Variants in DLGAP2 observed in about 807,000 individuals in gnomAD.
The protein encoded by DLGAP2 is DLG associated protein 2.
Under a neutral mutation model 100.3 loss-of-function variants are expected in DLGAP2, and 26 were observed. That is an observed-to-expected ratio of 0.26 (90% CI 0.19 to 0.36). DLGAP2 has a LOEUF of 0.36. Ranked by LOEUF, DLGAP2 falls within the 10% of genes least tolerant of loss-of-function variation. The pLI is 1.00. For missense variants in DLGAP2, 1,858 were observed against 1,453.2 expected (o/e 1.28, Z -4.53); for synonymous variants, 886 against 630.1 (o/e 1.41, Z -6.08).
Position 1,668,676 on chromosome 8 carries a change from C to T in DLGAP2, c.2158C>T (p.Gln720Ter). 1 of 1,537,418 alleles carries T rather than the reference C, an allele frequency of 6.5e-7. No homozygotes were observed. Among genetic ancestry groups the T allele is most frequent in the Non-Finnish European group, 8.8e-7 (1 of 1,139,052 alleles). Residue 720 changes from glutamine to a stop codon, truncating the protein, a stop_gained and splice_region_variant, in exon 9 of 15, where the codon CAG becomes TAG. Coordinates refer to ENST00000637795, the MANE Select transcript of DLGAP2 (RefSeq NM_001346810.2). LOFTEE classifies it high-confidence loss of function. ...GAGCCGCTGCTCCTCCATCGGGATTCAGGTAGCTGCTCTTGGCCGCCCGTC... is the reference window on the plus strand; with the variant it reads ...GAGCCGCTGCTCCTCCATCGGGATTTAGGTAGCTGCTCTTGGCCGCCCGTC... ...LKSRCSSIGI[Q>*]DSEFPEHQPY...
chr8:862,236 G>A (rs371732913), intron 1 of DLGAP2, among the ~76,000 whole-genome samples: 50 of 152,058 alleles, frequency 3.3e-4, no homozygotes, highest in African/African-American at 1.2e-3. Flanking sequence ...TCCTGTGGTG[G>A]ACGGTACCCT....
intron 5 of DLGAP2, among the ~76,000 whole-genome samples, chr8:1,550,352 G>A (rs1424638739): frequency 6.6e-6 from 1 of 152,182 alleles, no homozygotes; most frequent in Non-Finnish European, 1.5e-5. Flanking sequence ...TCTCATGCGT[G>A]AGTCTGGCCT....
In DLGAP2 at chr8:1,212,703, CCTT is replaced by C. The variant is rs369597589; in HGVS notation, c.74-46144_74-46142del. On this transcript the variant is annotated intron_variant, in intron 2 of 14. Transcript: ENST00000637795. ...CCTCACCCTGGGAGTGATTAAGAAA[CCTT>C]CTTATATCTTTATTTTTCCAGTACC... Among the ~76,000 whole-genome samples the C allele has an allele frequency of 4.3e-3, 648 of 151,986 alleles. 11 individuals are homozygous for C. The highest frequency in any genetic ancestry group is 0.015 in the African/African-American group (612 of 41,434).
intron 2 of DLGAP2, among the ~76,000 whole-genome samples, chr8:1,090,176 T>C (rs1804127360): frequency 6.9e-6 from 1 of 144,380 alleles, no homozygotes; most frequent in African/African-American, 2.6e-5. Flanking sequence ...GGGTGGAAAC[T>C]CATACCCCGA....
intron 2 of DLGAP2, among the ~76,000 whole-genome samples, chr8:970,798 A>G (rs574991508): frequency 1.5e-4 from 23 of 152,212 alleles, no homozygotes; most frequent in Non-Finnish European, 7.3e-5. Context: ...ATATTCTATG[A>G]CCTTGATTTT....
At chr8:1,167,970 T>C (rs1182688907) in intron 2 of DLGAP2, among the ~76,000 whole-genome samples, 1 of 151,766 alleles carries the variant, frequency 6.6e-6, no homozygotes, top group African/African-American at 2.4e-5. Flanking sequence ...CATGCTGGTG[T>C]GCTGCACCCA....
intron 3 of DLGAP2, among the ~76,000 whole-genome samples, chr8:1,359,935 A>G (rs913803079): frequency 2.6e-5 from 4 of 152,204 alleles, no homozygotes; most frequent in African/African-American, 9.7e-5. Flanking sequence ...AGTGACTTAA[A>G]CAGGACCGTC....
chr8:1,331,661 G>A (rs1347774073), intron 3 of DLGAP2, among the ~76,000 whole-genome samples: 4 of 152,094 alleles, frequency 2.6e-5, no homozygotes, highest in Non-Finnish European at 4.4e-5. Context: ...TTGGGTATAC[G>A]ACAAACGTGG....
At chr8:1,601,561 A>C (rs534676783) in intron 6 of DLGAP2, among the ~76,000 whole-genome samples, 4 of 152,014 alleles carry the variant, frequency 2.6e-5, no homozygotes, top group Non-Finnish European at 5.9e-5. Flanking sequence ...TCTTTCAGAG[A>C]TGCCCTGCCC....
intron 2 of DLGAP2, among the ~76,000 whole-genome samples, chr8:918,934 G>T (rs532779824): frequency 5.1e-4 from 78 of 152,182 alleles, no homozygotes; most frequent in Non-Finnish European, 6.8e-4. Flanking sequence ...AGGGTTTTTT[G>T]TTGCTGTTGT....
intron 3 of DLGAP2, among the ~76,000 whole-genome samples, chr8:1,325,285 T>C (rs1416506379): frequency 1.3e-5 from 2 of 152,186 alleles, no homozygotes; most frequent in Non-Finnish European, 2.9e-5. Context: ...CCAAGCTTTC[T>C]TTCCTGGACC....
intron 2 of DLGAP2, among the ~76,000 whole-genome samples, chr8:1,187,770 C>A (rs1379728532): frequency 7.1e-6 from 1 of 141,354 alleles, no homozygotes; most frequent in Non-Finnish European, 1.5e-5. Context: ...GAATCTCACA[C>A]GCCCGGGACC....
chr8:1,112,350 C>T (rs1271961600), intron 2 of DLGAP2, among the ~76,000 whole-genome samples: 1 of 148,106 alleles, frequency 6.8e-6, no homozygotes, highest in Non-Finnish European at 1.5e-5. Context: ...ATGCCATACT[C>T]CTGACTCAGC....
chr8:800,024 A>G (rs530254804), intron 1 of DLGAP2, among the ~76,000 whole-genome samples: 1 of 152,250 alleles, frequency 6.6e-6, no homozygotes, highest in African/African-American at 2.4e-5. Context: ...GCGTACCGAG[A>G]AAACCATGTT....
chr8:1,448,522 T>C (rs1298943161), intron 3 of DLGAP2, among the ~76,000 whole-genome samples: 3 of 152,178 alleles, frequency 2.0e-5, no homozygotes, highest in Non-Finnish European at 4.4e-5. Context: ...TGGTCAATTT[T>C]GGAATAGGTG....
chr8:1,276,019 A>G (rs1346448490), intron 3 of DLGAP2, among the ~76,000 whole-genome samples: 1 of 134,896 alleles, frequency 7.4e-6, no homozygotes, highest in Non-Finnish European at 1.5e-5. Flanking sequence ...GATATAGAAT[A>G]TATAAATAAA....
chr8:1,343,646 C>G (rs1801469982), intron 3 of DLGAP2, among the ~76,000 whole-genome samples: 1 of 152,068 alleles, frequency 6.6e-6, no homozygotes, highest in Non-Finnish European at 1.5e-5. Flanking sequence ...CCTGTTTTTC[C>G]TTGATAAAAA....
At chr8:1,244,786 T>G (rs112151101) in intron 2 of DLGAP2, among the ~76,000 whole-genome samples, 8 of 152,324 alleles carry the variant, frequency 5.3e-5, no homozygotes, top group African/African-American at 1.7e-4. Flanking sequence ...CAGTTGAGCT[T>G]TAACAAAATA....
chr8:1,465,021 G>T (rs1379098905), intron 3 of DLGAP2, among the ~76,000 whole-genome samples: 1 of 152,236 alleles, frequency 6.6e-6, no homozygotes, highest in African/African-American at 2.4e-5. Flanking sequence ...AATGTTGGGG[G>T]CTTCTCCCCA....
Sources: allele counts gnomAD v4.1 joint callset (sites outside exome capture counted in the v4.1 genomes callset), GRCh38; gene constraint gnomAD v4.1.1; transcripts MANE v1.5; gene names NCBI Gene and HGNC (gene_info 2026-07-23, HGNC 2026-07-21).